The following STUB1 variants were observed in gnomAD, a reference collection of about 807,000 sequenced individuals.
The protein encoded by STUB1 is E3 ubiquitin-protein ligase CHIP.
STUB1 carries 37 observed loss-of-function variants against 40.3 expected under a neutral mutation model. The observed-to-expected ratio is 0.92, with a 90% CI of 0.71 to 1.21. The LOEUF (loss-of-function observed/expected upper bound fraction) is 1.21, where lower values mean the gene tolerates loss of function less well. Among genes scored for constraint, STUB1 ranks in the 50% most tolerant of loss-of-function variants. The pLI is 0.00. For missense variants in STUB1, 460 were observed against 421.9 expected (o/e 1.09, Z -0.79); for synonymous variants, 246 against 171.9 (o/e 1.43, Z -3.37).
chr16:681,066 G>C (rs909964296), intron 1 of STUB1, 86 bp from the exon 2 acceptor site: 1 of 1,365,822 alleles, frequency 7.3e-7, no homozygotes, highest in Non-Finnish European at 1.0e-6. Context: ...ATTCTAGCCA[G>C]AGCGCAGAAG....
chr16:682,060 T>C lies in STUB1; in HGVS notation c.653T>C (p.Val218Ala), dbSNP rs908959169. Residue 218 changes from valine to alanine, a missense_variant, in exon 5 of 7, where the codon GTG becomes GCG. Val to Ala is a moderately conservative substitution (Grantham distance 64). Coordinates refer to ENST00000219548, the MANE Select transcript of STUB1 (RefSeq NM_005861.4). ...GACATGGACGAGCTTTTTTCTCAGG[T>C]GGATGAGAAGAGGAAGGTGAGTGTG... ...MADMDELFSQVDEKRKKRDIP... is the reference protein window; with the variant it reads ...MADMDELFSQADEKRKKRDIP... 3.2e-6 allele frequency: 5 copies of C among 1,583,906 alleles called. No homozygotes were observed. The African/African-American group carries it at 4.0e-5, about 13-fold the overall frequency.
In STUB1 at chr16:680,474, G is replaced by T; in HGVS notation, c.-52G>T. 8.5e-7 allele frequency: 1 copy of T among 1,179,750 alleles called. No individual in the cohort carries two copies. Among genetic ancestry groups the T allele is most frequent in the Non-Finnish European group, 1.0e-6 (1 of 953,420 alleles). The allele number at this position is 1,179,750 out of a possible 1,614,324, so 73.1% of individuals were successfully genotyped here. On this transcript the variant is annotated 5_prime_UTR_variant, in exon 1 of 7. Coordinates refer to ENST00000219548, the MANE Select transcript of STUB1 (RefSeq NM_005861.4). This position sits in a 1 kb window ranked among gnomAD's most constrained non-coding sequence, Gnocchi z 4.9. ...GCGGGGCTCCGGCTGCGGGCGCTGG[G>T]CCGCGAGGCGCGGAGCTTGGGAGCG... is the stretch of plus-strand genomic sequence containing the variant.
rs556441107 is a variant in STUB1 at position 682,713 on chromosome 16, G to A, written c.*224G>A. On this transcript the variant is annotated 3_prime_UTR_variant, in exon 7 of 7. Coordinates refer to ENST00000219548, the MANE Select transcript of STUB1 (RefSeq NM_005861.4). ...GGTGGGCTGGGCTGAGGCCATTGCC[G>A]CCACTATCTGTGTAATAAAATCCGT... 1.7e-5 allele frequency: 26 copies of A among 1,517,554 alleles called. No homozygotes were observed. Among genetic ancestry groups the A allele is most frequent in the South Asian group, 5.9e-5 (5 of 84,204 alleles). The allele number at this position is 1,517,554 out of a possible 1,614,324, so 94.0% of individuals were successfully genotyped here.
chr16:680,568 G>A lies in STUB1; in HGVS notation c.43G>A (p.Ala15Thr). Residue 15 changes from alanine (A) to threonine (T), a missense_variant, in exon 1 of 7, where the codon GCT (alanine) becomes ACT (threonine). Physicochemically the swap from Ala to Thr is moderately conservative, Grantham distance 58. Coordinates refer to ENST00000219548, the MANE Select transcript of STUB1 (RefSeq NM_005861.4). The surrounding 1 kb of genome is among the most constrained non-coding windows in gnomAD (Gnocchi z 4.9). ...GAAGGAGGGCGGCGCACGGCTGGGC[G>A]CTGGCGGCGGAAGCCCCGAGAAGAG... ...EEKEGGARLG[A>T]GGGSPEKSPS... 7.3e-7 allele frequency: 1 copy of A among 1,378,134 alleles called. No individual in the cohort carries two copies. Among genetic ancestry groups the A allele is most frequent in the Non-Finnish European group, 9.5e-7 (1 of 1,055,852 alleles). The allele number at this position is 1,378,134 out of a possible 1,614,324, so 85.4% of individuals were successfully genotyped here.
rs757849639 is a variant in STUB1, at chr16:680,671, A to G, written c.146A>G (p.Tyr49Cys). Residue 49 changes from tyrosine (Y) to cysteine (C), a missense_variant, in exon 1 of 7, where the codon TAC becomes TGC. By Grantham distance (194) the Tyr-to-Cys change is radical. Coordinates refer to ENST00000219548, the MANE Select transcript of STUB1 (RefSeq NM_005861.4). This position sits in a 1 kb window ranked among gnomAD's most constrained non-coding sequence, Gnocchi z 4.9. ...GRKYPEAAAC[Y>C]GRAITRNPLV... ...AAGTACCCGGAGGCGGCGGCCTGCT[A>G]CGGCCGCGCGATCGTGAGTGCGCCC... is the stretch of plus-strand genomic sequence containing the variant. The G allele has an allele frequency of 9.6e-6, 12 of 1,243,756 alleles. No individual in the cohort carries two copies. Among genetic ancestry groups the G allele is most frequent in the South Asian group, 8.1e-5 (3 of 37,248 alleles). The allele number at this position is 1,243,756 out of a possible 1,614,324, so 77.0% of individuals were successfully genotyped here.
Position 682,707 on chromosome 16 carries a change from A to G in STUB1, c.*218A>G, listed in dbSNP as rs2039723716. 1.3e-6 allele frequency: 2 copies of G among 1,506,378 alleles called. No individual in the cohort carries two copies. The allele number at this position is 1,506,378 out of a possible 1,614,324, so 93.3% of individuals were successfully genotyped here. A position where few individuals can be genotyped will look rare whatever the true frequency, so the allele number is the denominator to read the frequency against. Reference sequence around the variant, plus strand: ...GGTGAGGGTGGGCTGGGCTGAGGCCATTGCCGCCACTATCTGTGTAATAAA... The same window carrying G: ...GGTGAGGGTGGGCTGGGCTGAGGCCGTTGCCGCCACTATCTGTGTAATAAA... On this transcript the variant is annotated 3_prime_UTR_variant, in exon 7 of 7. Transcript: ENST00000219548.
chr16:681,858 A>G lies in STUB1; in HGVS notation c.590A>G (p.Gln197Arg), dbSNP rs781520518. ...GACGACAGCCACGTCCGGGCCCAGC[A>G]GGCCTGCATTGAGGCCAAGCACGTG... ...DEDDSHVRAQ[Q>R]ACIEAKHDKY... The change falls in exon 4 of 7, where the codon CAG becomes CGG. Residue 197 changes from glutamine (Q) to arginine (R), a missense_variant. By Grantham distance (43) the Gln-to-Arg change is conservative. Transcript: ENST00000219548. 6.2e-7 allele frequency: 1 copy of G among 1,612,476 alleles called. No individual in the cohort carries two copies. Among genetic ancestry groups the G allele is most frequent in the Non-Finnish European group, 8.5e-7 (1 of 1,179,670 alleles).
Position 680,664 on chromosome 16 carries a change from G to A in STUB1, c.139G>A (p.Ala47Thr). ...FVGRKYPEAA[A>T]CYGRAITRNP... ...GGGCCGAAAGTACCCGGAGGCGGCG[G>A]CCTGCTACGGCCGCGCGATCGTGAG... The change falls in exon 1 of 7, where the codon GCC becomes ACC. Residue 47 changes from alanine to threonine, a missense_variant. By Grantham distance (58) the Ala-to-Thr change is moderately conservative. Coordinates refer to ENST00000219548, the MANE Select transcript of STUB1 (RefSeq NM_005861.4). The surrounding 1 kb of genome is among the most constrained non-coding windows in gnomAD (Gnocchi z 4.9). 7.7e-7 allele frequency: 1 copy of A among 1,290,730 alleles called. No homozygotes were observed. The highest frequency in any genetic ancestry group is 1.5e-5 in the African/African-American group (1 of 64,842). 80.0% of individuals were successfully genotyped at this position (1,290,730 alleles called of 1,614,324 possible). A position where few individuals can be genotyped will look rare whatever the true frequency, so the allele number is the denominator to read the frequency against.
chr16:681,653 C>T (rs755537095), intron 3 of STUB1, 50 bp downstream of exon 3: 25 of 1,572,366 alleles, frequency 1.6e-5, no homozygotes, highest in East Asian at 1.4e-4. Flanking sequence ...TCTGAATCAC[C>T]GACTCCCGAC....
Position 681,572 on chromosome 16 carries a change from C to T in STUB1, c.493C>T (p.Leu165Phe), listed in dbSNP as rs587777340. 6.2e-7 allele frequency: 1 copy of T among 1,610,912 alleles called. No individual in the cohort carries two copies. Among genetic ancestry groups the T allele is most frequent in the Non-Finnish European group, 8.5e-7 (1 of 1,179,464 alleles). Residue 165 changes from leucine to phenylalanine, a missense_variant, in exon 3 of 7, where the codon CTC becomes TTC. By Grantham distance (22) the Leu-to-Phe change is conservative. Coordinates refer to ENST00000219548, the MANE Select transcript of STUB1 (RefSeq NM_005861.4). ...CCAGGAGAGCGAGCTGCACTCCTAC[C>T]TCTCCAGGCTCATTGCCGCGGAGCG... ...IHQESELHSYLSRLIAAERER... is the reference protein window; with the variant it reads ...IHQESELHSYFSRLIAAERER...
At chr16:681,123 C>T (rs772272176) in intron 1 of STUB1, 29 bp from the exon 2 acceptor site, 1 of 1,539,698 alleles carries the variant, frequency 6.5e-7, no homozygotes, top group African/African-American at 1.4e-5. Context: ...CCTACGCCCT[C>T]ATGCGGCTGG....
Position 682,286 on chromosome 16 carries a change from G to A in STUB1, c.786+5G>A, listed in dbSNP as rs767564001. On this transcript the variant is annotated splice_donor_5th_base_variant and intron_variant, in intron 6 of 6. Coordinates refer to ENST00000219548, the MANE Select transcript of STUB1 (RefSeq NM_005861.4). ...GACATCGAGGAGCACCTGCAGGTGA[G>A]GCCTGCGGCTGGGGGAGCAGGGCCA... is the stretch of plus-strand genomic sequence containing the variant. The A allele has an allele frequency of 6.4e-7, 1 of 1,568,896 alleles. No homozygotes were observed. The highest frequency in any genetic ancestry group is 2.4e-5 in the East Asian group (1 of 42,090).
rs779951307 is a variant in STUB1 at position 682,447 on chromosome 16, T to C, written c.870T>C (p.Ile290=). The C allele has an allele frequency of 7.7e-5, 125 of 1,613,344 alleles. No homozygotes were observed. Among genetic ancestry groups the C allele is most frequent in the Non-Finnish European group, 1.0e-4 (122 of 1,180,016 alleles). Reference sequence around the variant, plus strand: ...CCAACTTGGCTATGAAGGAGGTTATTGACGCATTCATCTCTGAGAATGGCT... The same window carrying C: ...CCAACTTGGCTATGAAGGAGGTTATCGACGCATTCATCTCTGAGAATGGCT... ...LIPNLAMKEV[I]DAFISENGWV... Residue 290 remains isoleucine, a synonymous_variant, in exon 7 of 7, where the codon ATT becomes ATC. Coordinates refer to ENST00000219548, the MANE Select transcript of STUB1 (RefSeq NM_005861.4).
intron 5 of STUB1, 35 bp from the exon 6 acceptor site, chr16:682,130 T>C: frequency 6.3e-7 from 1 of 1,589,454 alleles, no homozygotes; most frequent in Non-Finnish European, 8.6e-7. Flanking sequence ...GCAGTGCCCC[T>C]TTTCAGCCTC....
Position 680,700 on chromosome 16 carries a change from C to T in STUB1, c.159+16C>T. 3 of 1,069,902 alleles carry T rather than the reference C, an allele frequency of 2.8e-6. No homozygotes were observed. Among genetic ancestry groups the T allele is most frequent in the Non-Finnish European group, 3.4e-6 (3 of 882,252 alleles). The allele number at this position is 1,069,902 out of a possible 1,614,324, so 66.3% of individuals were successfully genotyped here. The stretch of plus-strand genomic sequence containing the variant: ...CCGCGCGATCGTGAGTGCGCCCGCG[C>T]GGGGAGGGCGGCGGCGGTGGCACCG... On this transcript the variant is annotated intron_variant, in intron 1 of 6. Coordinates refer to ENST00000219548, the MANE Select transcript of STUB1 (RefSeq NM_005861.4). The surrounding 1 kb of genome is among the most constrained non-coding windows in gnomAD (Gnocchi z 4.9).
rs1295180474 is a variant in STUB1, at chr16:682,787, G to A, written c.*298G>A. The stretch of plus-strand genomic sequence containing the variant: ...TGTGTGACCGGCAGTCCTGCCAGCT[G>A]TTTTGGCTAGCCGAGGAAGGTGGAG... On this transcript the variant is annotated 3_prime_UTR_variant, in exon 7 of 7. Coordinates refer to ENST00000219548, the MANE Select transcript of STUB1 (RefSeq NM_005861.4). 1.9e-6 allele frequency: 3 copies of A among 1,612,930 alleles called. No homozygotes were observed. The highest frequency in any genetic ancestry group is 2.5e-6 in the Non-Finnish European group (3 of 1,179,776).
In STUB1 at chr16:681,556, C is replaced by T. The variant is rs750520142; in HGVS notation, c.477C>T (p.Ser159=). 5.2e-5 allele frequency: 84 copies of T among 1,611,488 alleles called. No individual in the cohort carries two copies. The highest frequency in any genetic ancestry group is 6.4e-5 in the Non-Finnish European group (76 of 1,179,802). The change falls in exon 3 of 7, where the codon AGC becomes AGT. Residue 159 remains serine (S), a synonymous_variant. Transcript: ENST00000219548. ...AGGAGCGGCGCATCCACCAGGAGAG[C>T]GAGCTGCACTCCTACCTCTCCAGGC... is the stretch of plus-strand genomic sequence containing the variant. ...SIEERRIHQE[S]ELHSYLSRLI...
intron 2 of STUB1, 44 bp downstream of exon 2, chr16:681,394 C>T (rs1344229677): frequency 1.9e-6 from 3 of 1,611,010 alleles, no homozygotes; most frequent in Non-Finnish European, 2.5e-6. Context: ...TGGGGCCAGG[C>T]GGGTGGACTG....
chr16:682,026 T>C lies in STUB1; in HGVS notation c.619T>C (p.Tyr207His). 1.9e-6 allele frequency: 3 copies of C among 1,598,606 alleles called. No homozygotes were observed. Among genetic ancestry groups the C allele is most frequent in the Non-Finnish European group, 1.7e-6 (2 of 1,168,372 alleles). The change falls in exon 5 of 7, where the codon TAC becomes CAC. Residue 207 changes from tyrosine to histidine, a missense_variant. Tyr to His is a moderately conservative substitution (Grantham distance 83). Transcript: ENST00000219548. Reference protein sequence around the residue: ...QACIEAKHDKYMADMDELFSQ... With the variant: ...QACIEAKHDKHMADMDELFSQ... ...AGCACTCAACTCTTCACAGGACAAG[T>C]ACATGGCGGACATGGACGAGCTTTT...
Sources: allele counts gnomAD v4.1 joint callset, GRCh38; gene constraint gnomAD v4.1.1; non-coding constraint Gnocchi (gnomAD v3.1); transcripts MANE v1.5; gene names NCBI Gene and HGNC (gene_info 2026-07-23, HGNC 2026-07-21).